The following RAP1GDS1 variants were observed in gnomAD, a reference collection of about 807,000 sequenced individuals.
RAP1GDS1 encodes RAP1, GTP-GDP dissociation stimulator 1.
A neutral mutation model predicts 71.1 loss-of-function variants in RAP1GDS1; 35 were observed. The observed-to-expected ratio is 0.49, with a 90% CI of 0.38 to 0.65. The LOEUF is 0.65. Among genes scored for constraint, RAP1GDS1 ranks in the 30% least tolerant of loss-of-function variants. RAP1GDS1 has a pLI of 0.00. For missense variants in RAP1GDS1, 663 were observed against 706.1 expected, an observed-to-expected ratio of 0.94 and a Z score of 0.69; for synonymous variants, 229 against 243.1, an observed-to-expected ratio of 0.94 and a Z score of 0.54.
intron 2 of RAP1GDS1, among the ~76,000 whole-genome samples, chr4:98,294,419 A>T (rs2110282522): frequency 6.6e-6 from 1 of 152,104 alleles, no homozygotes; most frequent in African/African-American, 2.4e-5. Context: ...AGTACTTTTC[A>T]TCAAAAAAGC....
intron 5 of RAP1GDS1, among the ~76,000 whole-genome samples, chr4:98,388,154 G>A (rs750305476): frequency 3.3e-5 from 5 of 152,048 alleles, no homozygotes; most frequent in Admixed American, 6.6e-5. Context: ...AAACAGCACC[G>A]CCACCTACTG....
intron 2 of RAP1GDS1, among the ~76,000 whole-genome samples, chr4:98,306,828 C>T (rs775609888): frequency 6.6e-6 from 1 of 152,162 alleles, no homozygotes; most frequent in Non-Finnish European, 1.5e-5. Flanking sequence ...GGGTTCTATT[C>T]GCTCTAGAAA....
At chr4:98,414,001 G>T (rs1578796500) in intron 7 of RAP1GDS1, among the ~76,000 whole-genome samples, 1 of 152,046 alleles carries the variant, frequency 6.6e-6, no homozygotes, top group Non-Finnish European at 1.5e-5. Context: ...GTGTTTTTTG[G>T]CTGCATAAAT....
intron 12 of RAP1GDS1, among the ~76,000 whole-genome samples, chr4:98,424,643 C>T (rs1749353293): frequency 6.6e-6 from 1 of 152,042 alleles, no homozygotes; most frequent in Non-Finnish European, 1.5e-5. Flanking sequence ...CGCCTGTAAT[C>T]CCAGCTACTG....
chr4:98,329,807 A>T (rs932559339), intron 2 of RAP1GDS1, among the ~76,000 whole-genome samples: 2 of 151,392 alleles, frequency 1.3e-5, no homozygotes, highest in African/African-American at 2.4e-5. Flanking sequence ...AAAAAAAAAA[A>T]AAAAGTGCCC....
At chr4:98,365,505 C>A (rs1739358052) in intron 4 of RAP1GDS1, among the ~76,000 whole-genome samples, 2 of 151,908 alleles carry the variant, frequency 1.3e-5, no homozygotes, top group South Asian at 4.2e-4. Context: ...CACCTATAGA[C>A]CCTGCTACTT....
chr4:98,383,130 A>G (rs1283594378), intron 5 of RAP1GDS1, among the ~76,000 whole-genome samples: 1 of 151,692 alleles, frequency 6.6e-6, no homozygotes, highest in Non-Finnish European at 1.5e-5. Flanking sequence ...GTAATTAATC[A>G]ATAAATATCT....
At chr4:98,307,148 A>G (rs1004645913) in intron 2 of RAP1GDS1, among the ~76,000 whole-genome samples, 21 of 151,630 alleles carry the variant, frequency 1.4e-4, no homozygotes, top group Admixed American at 2.6e-4. Context: ...TAGATAATCA[A>G]TTTTCCTAAT....
intron 4 of RAP1GDS1, among the ~76,000 whole-genome samples, chr4:98,367,898 C>G (rs1041141812): frequency 8.5e-5 from 13 of 152,074 alleles, no homozygotes; most frequent in Non-Finnish European, 1.5e-4. Context: ...TCACATGAGA[C>G]TTTGGACTGT....
chr4:98,347,714 C>T (rs1280705808), intron 3 of RAP1GDS1, among the ~76,000 whole-genome samples: 1 of 152,094 alleles, frequency 6.6e-6, no homozygotes, highest in Non-Finnish European at 1.5e-5. Context: ...TTTCAGTTCT[C>T]CGAGTTCAAA....
chr4:98,338,382 G>C (rs1301584498), intron 2 of RAP1GDS1, among the ~76,000 whole-genome samples: 1 of 152,092 alleles, frequency 6.6e-6, no homozygotes, highest in Admixed American at 6.5e-5. Flanking sequence ...AAAGGAGAGA[G>C]GATTGGGGAC....
chr4:98,423,418 A>T (rs1749158652), intron 12 of RAP1GDS1, among the ~76,000 whole-genome samples: 1 of 152,246 alleles, frequency 6.6e-6, no homozygotes. Flanking sequence ...AATTAAGTGA[A>T]TTATATACCA....
At chr4:98,299,948 C>T (rs1275841658) in intron 2 of RAP1GDS1, among the ~76,000 whole-genome samples, 1 of 152,056 alleles carries the variant, frequency 6.6e-6, no homozygotes, top group Non-Finnish European at 1.5e-5. Context: ...ATGGAATCTA[C>T]TCCTGGTGAA....
chr4:98,307,930 G>A (rs74645796), intron 2 of RAP1GDS1, among the ~76,000 whole-genome samples: 3,782 of 152,050 alleles, frequency 0.025, 149 homozygotes, highest in African/African-American at 0.086. Flanking sequence ...TGATGGTATG[G>A]CCCTTCTGAT....
chr4:98,349,483 G>C (rs1316812344), intron 3 of RAP1GDS1, among the ~76,000 whole-genome samples: 1 of 152,146 alleles, frequency 6.6e-6, no homozygotes, highest in Non-Finnish European at 1.5e-5. Context: ...CTTTAAGGTA[G>C]TTTTTTCCAA....
chr4:98,314,357 C>T (rs984519159), intron 2 of RAP1GDS1, among the ~76,000 whole-genome samples: 8 of 152,150 alleles, frequency 5.3e-5, no homozygotes, highest in African/African-American at 1.7e-4. Context: ...CAAAAGAAAT[C>T]AAGTTTCCTT....
intron 2 of RAP1GDS1, among the ~76,000 whole-genome samples, chr4:98,298,146 T>G (rs1728054325): frequency 6.6e-6 from 1 of 152,168 alleles, no homozygotes; most frequent in Non-Finnish European, 1.5e-5. Flanking sequence ...TAAGAAAAGT[T>G]GGACACTAGC....
chr4:98,314,782 T>C (rs1388846821), intron 2 of RAP1GDS1, among the ~76,000 whole-genome samples: 1 of 152,184 alleles, frequency 6.6e-6, no homozygotes, highest in Admixed American at 6.5e-5. Flanking sequence ...AACAGAGATA[T>C]GGATTCAACT....
At chr4:98,410,358 A>G (rs1032754633) in intron 7 of RAP1GDS1, among the ~76,000 whole-genome samples, 1 of 152,158 alleles carries the variant, frequency 6.6e-6, no homozygotes, top group Non-Finnish European at 1.5e-5. Flanking sequence ...AACACAAAAT[A>G]AAACCACAAT....
Sources: allele counts gnomAD v4.1 joint callset (sites outside exome capture counted in the v4.1 genomes callset), GRCh38; gene constraint gnomAD v4.1.1; transcripts MANE v1.5; gene names NCBI Gene and HGNC (gene_info 2026-07-23, HGNC 2026-07-21).